IGF1R: variants seen among roughly 807,000 people sequenced by gnomAD.
The protein encoded by IGF1R is insulin like growth factor 1 receptor, also known as insulin-like growth factor 1 receptor.
A neutral mutation model predicts 144.6 loss-of-function variants in IGF1R; 44 were observed. The observed-to-expected ratio is 0.30, with a 90% CI of 0.24 to 0.39. The LOEUF (loss-of-function observed/expected upper bound fraction) is 0.39, where lower values mean the gene tolerates loss of function less well. Among genes scored for constraint, IGF1R ranks in the 10% least tolerant of loss-of-function variants. IGF1R has a pLI of 1.00. For synonymous variants in IGF1R, 795 were observed against 722.8 expected (o/e 1.10, Z -1.60); for missense variants, 1,355 against 1,833.7 (o/e 0.74, Z 4.77).
chr15:98,818,749 G>A (rs1264499428), intron 2 of IGF1R, among the ~76,000 whole-genome samples: 6 of 36,254 alleles, frequency 1.7e-4, no homozygotes, highest in Non-Finnish European at 2.5e-4. Context: ...CACCCACCCC[G>A]CCCCCTAGTC....
intron 2 of IGF1R, among the ~76,000 whole-genome samples, chr15:98,786,785 A>G (rs2056008031): frequency 1.3e-5 from 2 of 152,170 alleles, no homozygotes; most frequent in African/African-American, 2.4e-5. Flanking sequence ...TGGTCACAAG[A>G]TGATCAGGCA....
chr15:98,759,949 T>A (rs1309256166), intron 2 of IGF1R, among the ~76,000 whole-genome samples: 2 of 152,222 alleles, frequency 1.3e-5, no homozygotes, highest in Non-Finnish European at 2.9e-5. Flanking sequence ...GACCAGTATT[T>A]GCAGACAGAG....
intron 2 of IGF1R, among the ~76,000 whole-genome samples, chr15:98,790,019 C>T (rs1435442405): frequency 6.6e-6 from 1 of 152,124 alleles, no homozygotes; most frequent in Non-Finnish European, 1.5e-5. Context: ...AGTTTGTGCT[C>T]TAGGATTTTG....
At chr15:98,698,409 A>G (rs11637862) in intron 1 of IGF1R, among the ~76,000 whole-genome samples, 16,555 of 152,122 alleles carry the variant, frequency 0.11, 1,616 homozygotes, top group African/African-American at 0.26. Context: ...TCTCTAGAAC[A>G]CTTTTCATCT....
intron 2 of IGF1R, among the ~76,000 whole-genome samples, chr15:98,851,645 T>A (rs1208019856): frequency 2.0e-5 from 3 of 152,194 alleles, no homozygotes; most frequent in African/African-American, 7.2e-5. Context: ...CACTTCCCGC[T>A]GGAAGCTGGG....
Position 98,948,718 on chromosome 15 carries a change from TC to T in IGF1R, c.3722+12del. The T allele has an allele frequency of 6.2e-7, 1 of 1,613,930 alleles. No homozygotes were observed. Among genetic ancestry groups the T allele is most frequent in the Non-Finnish European group, 8.5e-7 (1 of 1,179,922 alleles). ...ACTGTCCTGACATGCTGTACGTACTTCCTGGGCCCTCCGTGCTCTTCTGAGT... is the reference window on the plus strand; with the variant it reads ...ACTGTCCTGACATGCTGTACGTACTTCTGGGCCCTCCGTGCTCTTCTGAGT... On this transcript the variant is annotated intron_variant, in intron 20 of 20. Transcript: ENST00000650285.
chr15:98,796,773 A>G (rs1427704713), intron 2 of IGF1R, among the ~76,000 whole-genome samples: 1 of 152,272 alleles, frequency 6.6e-6, no homozygotes, highest in African/African-American at 2.4e-5. Context: ...AAGCTTTACA[A>G]GGACAGAAAC....
At position 98,846,806 on chromosome 15, in the gene IGF1R, C is replaced by T. The variant is rs73481842; in HGVS notation, c.641-44519C>T. Among the ~76,000 whole-genome samples, 491 of 152,334 alleles carry T rather than the reference C, an allele frequency of 3.2e-3. 4 individuals carry two copies. The highest frequency in any genetic ancestry group is 0.011 in the African/African-American group (450 of 41,572). On this transcript the variant is annotated intron_variant, in intron 2 of 20. Transcript: ENST00000650285. ...GATTAATGTTAACAGCTTAAAGAAT[C>T]ATTGCAATCAAGGGAAATTTTGCAA...
intron 2 of IGF1R, chr15:98,824,171 T>G (rs892596235): frequency 6.6e-6 from 1 of 152,196 alleles, no homozygotes; most frequent in Non-Finnish European, 1.5e-5. Context: ...GGCTGCCCGT[T>G]CTCCCCAGGT....
chr15:98,828,074 A>G (rs1186512029), intron 2 of IGF1R, among the ~76,000 whole-genome samples: 1 of 152,178 alleles, frequency 6.6e-6, no homozygotes, highest in Non-Finnish European at 1.5e-5. Flanking sequence ...TTAGGGAGAG[A>G]TTCCCGCTGG....
At chr15:98,885,419 G>A (rs188401295) in intron 2 of IGF1R, among the ~76,000 whole-genome samples, 240 of 152,160 alleles carry the variant, frequency 1.6e-3, no homozygotes, top group Non-Finnish European at 2.9e-3. Context: ...TCTCCTCCCC[G>A]TGTTGTCTCA....
At chr15:98,849,558 A>C (rs1234298605) in intron 2 of IGF1R, among the ~76,000 whole-genome samples, 1 of 152,264 alleles carries the variant, frequency 6.6e-6, no homozygotes, top group Admixed American at 6.5e-5. Context: ...AAACATTCAT[A>C]AAAATTGAAT....
chr15:98,886,140 T>C (rs2013628990), intron 2 of IGF1R, among the ~76,000 whole-genome samples: 1 of 152,134 alleles, frequency 6.6e-6, no homozygotes, highest in African/African-American at 2.4e-5. Flanking sequence ...TTAAAAATGG[T>C]TTCTCTGCAC....
chr15:98,947,648 T>C (rs1443280962), intron 19 of IGF1R, among the ~76,000 whole-genome samples: 1 of 152,252 alleles, frequency 6.6e-6, no homozygotes, highest in East Asian at 1.9e-4. Context: ...CTGAAAGTTG[T>C]GTGTGTACTC....
intron 2 of IGF1R, among the ~76,000 whole-genome samples, chr15:98,828,649 C>G (rs1195612418): frequency 1.3e-5 from 2 of 152,116 alleles, no homozygotes; most frequent in African/African-American, 4.8e-5. Flanking sequence ...TGCACCCCAA[C>G]TTCTTTGCCA....
rs2052273555 is a variant in IGF1R at position 98,649,148 on chromosome 15, C to T, written c.-434C>T. ...ATCTTGCGAACTGCGTCGCGCCCTC[C>T]CGCGGCGGAAGCTCGGGCGTCCGGC... On this transcript the variant is annotated 5_prime_UTR_variant, in exon 1 of 21. Transcript: ENST00000650285. The T allele has an allele frequency of 1.8e-5, 4 of 219,326 alleles. No homozygotes were observed. The South Asian group carries it at 7.3e-4, about 40-fold the overall frequency. 13.6% of individuals were successfully genotyped at this position (219,326 alleles called of 1,614,324 possible). A position where few individuals can be genotyped will look rare whatever the true frequency, so the allele number is the denominator to read the frequency against.
chr15:98,869,575 A>G (rs1413085354), intron 2 of IGF1R, among the ~76,000 whole-genome samples: 1 of 151,988 alleles, frequency 6.6e-6, no homozygotes, highest in African/African-American at 2.4e-5. Context: ...AGCTGGGATT[A>G]CAGGCATGTG....
intron 1 of IGF1R, among the ~76,000 whole-genome samples, chr15:98,687,086 T>A (rs754024564): frequency 2.6e-5 from 4 of 152,168 alleles, no homozygotes; most frequent in Non-Finnish European, 5.9e-5. Context: ...AGAGGGAGCA[T>A]GTGAACAAGA....
chr15:98,873,411 A>G (rs1051895118), intron 2 of IGF1R, among the ~76,000 whole-genome samples: 6 of 152,232 alleles, frequency 3.9e-5, no homozygotes, highest in Non-Finnish European at 8.8e-5. Context: ...AAAGGAAGCA[A>G]GATCGCTGGC....
Sources: gnomAD v4.1 joint callset for allele counts (sites outside exome capture counted in the v4.1 genomes callset) on GRCh38, gnomAD v4.1.1 for gene constraint, MANE v1.5 for transcripts, NCBI Gene and HGNC (gene_info 2026-07-23, HGNC 2026-07-21) for gene names.